RAD1: variants seen among roughly 807,000 people sequenced by gnomAD.
RAD1 encodes the protein RAD1 checkpoint DNA exonuclease.
A neutral mutation model predicts 30.0 loss-of-function variants in RAD1; 21 were observed. That is an observed-to-expected ratio of 0.70 (90% CI 0.50 to 1.01). The LOEUF (loss-of-function observed/expected upper bound fraction) is 1.01. RAD1 is among the 50% of genes least tolerant of loss of function. RAD1 has a pLI of 0.00. For synonymous variants in RAD1, 109 were observed against 113.6 expected, an observed-to-expected ratio of 0.96 and a Z score of 0.26; for missense variants, 329 against 329.0, an observed-to-expected ratio of 1.00 and a Z score of 0.00.
chr5:34,914,603 A>G, intron 2 of RAD1, 92 bp downstream of exon 2: 1 of 1,178,374 alleles, frequency 8.5e-7, no homozygotes, highest in Non-Finnish European at 1.2e-6. Flanking sequence ...TATTATGACT[A>G]TTAAGTTATT....
chr5:34,913,338 C>A, intron 3 of RAD1, 132 bp downstream of exon 3: 2 of 477,544 alleles, frequency 4.2e-6, no homozygotes, highest in Non-Finnish European at 3.8e-6. Context: ...ATGTTAGAAC[C>A]CATGACTGTG....
chr5:34,908,977 TATC>T, intron 5 of RAD1, 29 bp from the exon 6 acceptor site: 1 of 1,565,680 alleles, frequency 6.4e-7, no homozygotes, highest in Non-Finnish European at 8.7e-7. Flanking sequence ...AACGCTGTTA[TATC>T]AACACAGTGA....
rs1341537540 is a variant in RAD1 at position 34,914,712 on chromosome 5, C to T, written c.181G>A (p.Ala61Thr). 1.9e-6 allele frequency: 3 copies of T among 1,614,226 alleles called. No homozygotes were observed. Among genetic ancestry groups the T allele is most frequent in the Non-Finnish European group, 1.7e-6 (2 of 1,180,036 alleles). The change falls in exon 2 of 6, where the codon GCA becomes ACA. Residue 61 changes from alanine (A) to threonine (T), a missense_variant. Physicochemically the swap from Ala to Thr is moderately conservative, Grantham distance 58. Coordinates refer to ENST00000382038, the MANE Select transcript of RAD1 (RefSeq NM_002853.4). Reference sequence around the variant, plus strand: ...TTCCATACCTGAATAAAAGCATTTGCTTGCACACACTTTGCATTTTCCACT... The same window carrying T: ...TTCCATACCTGAATAAAAGCATTTGTTTGCACACACTTTGCATTTTCCACT... ...VTVENAKCVQ[A>T]NAFIQAGIFQ...
At chr5:34,910,109 A>G (rs1385877827) in intron 4 of RAD1, among the ~76,000 whole-genome samples, 2 of 152,142 alleles carry the variant, frequency 1.3e-5, no homozygotes, top group Non-Finnish European at 2.9e-5. Flanking sequence ...CCTGAGCACC[A>G]TAACTACATA....
rs1561167656 is a variant in RAD1, at chr5:34,908,092, C to G, written c.*673G>C. On this transcript the variant is annotated 3_prime_UTR_variant, in exon 6 of 6. Coordinates refer to ENST00000382038, the MANE Select transcript of RAD1 (RefSeq NM_002853.4). The stretch of plus-strand genomic sequence containing the variant: ...TAGAATTCAAACTAATAAGCAATGC[C>G]CATATGCCTTTGCTTTTTCTAATAA... The G allele has an allele frequency of 6.6e-6, 1 of 152,030 alleles. No homozygotes were observed. The highest frequency in any genetic ancestry group is 1.5e-5 in the Non-Finnish European group (1 of 68,018). The allele number at this position is 152,030 out of a possible 1,614,324, so 9.4% of individuals were successfully genotyped here.
At position 34,906,197 on chromosome 5, in the gene RAD1, TC is replaced by T. The variant is rs968997034; in HGVS notation, c.*2567del. The T allele has an allele frequency of 6.6e-6, 1 of 151,952 alleles. No individual in the cohort carries two copies. The highest frequency in any genetic ancestry group is 2.4e-5 in the African/African-American group (1 of 41,350). The allele number at this position is 151,952 out of a possible 1,614,324, so 9.4% of individuals were successfully genotyped here. On this transcript the variant is annotated 3_prime_UTR_variant, in exon 6 of 6. Coordinates refer to ENST00000382038, the MANE Select transcript of RAD1 (RefSeq NM_002853.4). ...TCTCGAACTTCCTGACCTCAGATGA[TC>T]CCCCTGCCTCGGCTTCCCAAAATGC... is the stretch of plus-strand genomic sequence containing the variant.
chr5:34,908,903 T>C lies in RAD1; in HGVS notation c.711A>G (p.Leu237=), dbSNP rs1205967581. Residue 237 remains leucine, a synonymous_variant, in exon 6 of 6, where the codon CTA becomes CTG. Coordinates refer to ENST00000382038, the MANE Select transcript of RAD1 (RefSeq NM_002853.4). Reference sequence around the variant, plus strand: ...CTGTCCGAATAGATACCTTACAAGATAGGACTAATGCCTTTGTAGAGGGTT... The same window carrying C: ...CTGTCCGAATAGATACCTTACAAGACAGGACTAATGCCTTTGTAGAGGGTT... ...LLKPSTKALV[L]SCKVSIRTDN... 5 of 1,612,024 alleles carry C rather than the reference T, an allele frequency of 3.1e-6. No homozygotes were observed. In the African/African-American group the frequency reaches 4.0e-5, roughly 13 times the overall value.
chr5:34,911,210 C>A (rs571942335), intron 4 of RAD1, among the ~76,000 whole-genome samples: 2 of 152,262 alleles, frequency 1.3e-5, no homozygotes, highest in Non-Finnish European at 2.9e-5. Flanking sequence ...AAAAAGATAC[C>A]ATAATACAAA....
At chr5:34,909,217 C>A in intron 5 of RAD1, 41 bp downstream of exon 5, 1 of 1,406,176 alleles carries the variant, frequency 7.1e-7, no homozygotes, top group South Asian at 1.2e-5. Context: ...TATTTAACCT[C>A]CTCTTTATCA....
intron 4 of RAD1, among the ~76,000 whole-genome samples, chr5:34,910,680 G>A (rs1455960325): frequency 6.6e-5 from 10 of 152,150 alleles, no homozygotes; most frequent in African/African-American, 1.9e-4. Context: ...TGCCCACTTC[G>A]GCCTCCCAAA....
At position 34,914,790 on chromosome 5, in the gene RAD1, G is replaced by A. The variant is rs1763986746; in HGVS notation, c.103C>T (p.His35Tyr). The change falls in exon 2 of 6, where the codon CAT becomes TAT. Residue 35 changes from histidine (H) to tyrosine (Y), a missense_variant. His to Tyr is a moderately conservative substitution (Grantham distance 83). Transcript: ENST00000382038. ...AAACACGTGGCATGTTCTCGGAAAT[G>A]AATAGCTTTCAAGATAGTGGAGAGA... Reference protein sequence around the residue: ...RNLSTILKAIHFREHATCFAT... With the variant: ...RNLSTILKAIYFREHATCFAT... 6.2e-7 allele frequency: 1 copy of A among 1,614,224 alleles called. No homozygotes were observed. Among genetic ancestry groups the A allele is most frequent in the Non-Finnish European group, 8.5e-7 (1 of 1,180,034 alleles).
At chr5:34,914,077 A>C in intron 2 of RAD1, 1 of 451,566 alleles carries the variant, frequency 2.2e-6, no homozygotes, top group Non-Finnish European at 4.5e-6. Context: ...CCCTGAGATC[A>C]TGCTGTGCAC....
rs1354830323 is a variant in RAD1, at chr5:34,908,511, C to G, written c.*254G>C. On this transcript the variant is annotated 3_prime_UTR_variant, in exon 6 of 6. Coordinates refer to ENST00000382038, the MANE Select transcript of RAD1 (RefSeq NM_002853.4). ...TGTTACGCTGACTCACAATTATTCCCATGAGTTCAAAAGACAGAACTAAAG... is the reference window on the plus strand; with the variant it reads ...TGTTACGCTGACTCACAATTATTCCGATGAGTTCAAAAGACAGAACTAAAG... The G allele has an allele frequency of 6.6e-6, 2 of 301,858 alleles. No homozygotes were observed. The allele number at this position is 301,858 out of a possible 1,614,324, so 18.7% of individuals were successfully genotyped here.
Position 34,905,615 on chromosome 5 carries a change from CAGTA to C in RAD1, c.*3146_*3149del, listed in dbSNP as rs1763623766. ...AATGAAAAAAAAGATTATCCATTCACAGTAAGCACCATTTTACTAGAAAGAGAGA... is the reference window on the plus strand; with the variant it reads ...AATGAAAAAAAAGATTATCCATTCACAGCACCATTTTACTAGAAAGAGAGA... On this transcript the variant is annotated 3_prime_UTR_variant, in exon 6 of 6. Coordinates refer to ENST00000382038, the MANE Select transcript of RAD1 (RefSeq NM_002853.4). The C allele has an allele frequency of 1.3e-5, 2 of 151,876 alleles. No homozygotes were observed. The highest frequency in any genetic ancestry group is 1.3e-4 in the Admixed American group (2 of 15,258). 9.4% of individuals were successfully genotyped at this position (151,876 alleles called of 1,614,324 possible). A position where few individuals can be genotyped will look rare whatever the true frequency, so the allele number is the denominator to read the frequency against.
chr5:34,914,585 T>C, intron 2 of RAD1, 110 bp downstream of exon 2: 1 of 954,436 alleles, frequency 1.0e-6, no homozygotes, highest in South Asian at 1.5e-5. Context: ...TTATGACTAT[T>C]GACAAGTTAT....
rs925241146 is a variant in RAD1 at position 34,907,447 on chromosome 5, C to A, written c.*1318G>T. The A allele has an allele frequency of 1.3e-5, 2 of 152,100 alleles. No homozygotes were observed. Among genetic ancestry groups the A allele is most frequent in the Non-Finnish European group, 2.9e-5 (2 of 68,038 alleles). The allele number at this position is 152,100 out of a possible 1,614,324, so 9.4% of individuals were successfully genotyped here. A position where few individuals can be genotyped will look rare whatever the true frequency, so the allele number is the denominator to read the frequency against. ...ATGGAGGGACACTCAGCTGTTGTCACCTGGTACAGTAACAAAGACAGAAGC... is the reference window on the plus strand; with the variant it reads ...ATGGAGGGACACTCAGCTGTTGTCAACTGGTACAGTAACAAAGACAGAAGC... On this transcript the variant is annotated 3_prime_UTR_variant, in exon 6 of 6. Coordinates refer to ENST00000382038, the MANE Select transcript of RAD1 (RefSeq NM_002853.4).
At chr5:34,915,288 G>A in intron 1 of RAD1, 128 bp downstream of exon 1, 1 of 280,006 alleles carries the variant, frequency 3.6e-6, no homozygotes, top group South Asian at 5.2e-5. Flanking sequence ...CAACAAAACA[G>A]GCGATGGCGG....
In RAD1 at chr5:34,914,868, G is replaced by A. The variant is rs139520803; in HGVS notation, c.25C>T (p.Gln9Ter). 6.8e-6 allele frequency: 11 copies of A among 1,614,090 alleles called. No homozygotes were observed. The highest frequency in any genetic ancestry group is 1.7e-5 in the Admixed American group (1 of 60,012). ...AGGCTGTACTGATCATCCTCGTCTT[G>A]GATCTGTTGGGTCAGAAGGGGCATC... The part of the protein sequence containing the change: MPLLTQQI[Q>*]DEDDQYSLVA... The change falls in exon 2 of 6, where the codon CAA (glutamine) becomes TAA (stop). Residue 9 changes from glutamine to a stop codon, truncating the protein, a stop_gained. Transcript: ENST00000382038. LOFTEE classifies it high-confidence loss of function.
At position 34,914,770 on chromosome 5, in the gene RAD1, C is replaced by T. The variant is rs768881876; in HGVS notation, c.123G>A (p.Thr41=). Residue 41 remains threonine (T), a synonymous_variant, in exon 2 of 6, where the codon ACG becomes ACA. Transcript: ENST00000382038. The stretch of plus-strand genomic sequence containing the variant: ...TGATACCATTTTTAGTTGCGAAACA[C>T]GTGGCATGTTCTCGGAAATGAATAG... ...LKAIHFREHA[T]CFATKNGIKV... is the part of the protein sequence containing the mutation. The T allele has an allele frequency of 5.0e-6, 8 of 1,614,204 alleles. No individual in the cohort carries two copies. The highest frequency in any genetic ancestry group is 6.8e-6 in the Non-Finnish European group (8 of 1,180,040).
Sources: allele counts gnomAD v4.1 joint callset (sites outside exome capture counted in the v4.1 genomes callset), GRCh38; gene constraint gnomAD v4.1.1; transcripts MANE v1.5; gene names NCBI Gene and HGNC (gene_info 2026-07-23, HGNC 2026-07-21).